PCGF2: variants seen among roughly 807,000 people sequenced by gnomAD.
The protein encoded by PCGF2 is polycomb group ring finger 2.
A neutral mutation model predicts 36.1 loss-of-function variants in PCGF2; 8 were observed. That is an observed-to-expected ratio of 0.22 (90% CI 0.13 to 0.40). The LOEUF is 0.40. Ranked by LOEUF, PCGF2 falls within the 10% of genes least tolerant of loss-of-function variation. The probability of loss-of-function intolerance (pLI) is 1.00; values close to 1 mark genes in which losing one functional copy is unlikely to be tolerated. For missense variants in PCGF2, 436 were observed against 475.9 expected, an observed-to-expected ratio of 0.92 and a Z score of 0.78; for synonymous variants, 198 against 191.2, an observed-to-expected ratio of 1.04 and a Z score of -0.29.
rs1288043390 is a variant in PCGF2 at position 38,733,974 on chromosome 17, C to CA, written c.*1248dup. ...AAAGGAGGGTACAGTCACAGGACCT[C>CA]AGACACAGGACAAGGTGCAAACACA... On this transcript the variant is annotated 3_prime_UTR_variant, in exon 11 of 11. Coordinates refer to ENST00000620225, the MANE Select transcript of PCGF2 (RefSeq NM_007144.3). 6.5e-6 allele frequency: 1 copy of CA among 153,838 alleles called. No homozygotes were observed. The highest frequency in any genetic ancestry group is 1.4e-5 in the Non-Finnish European group (1 of 69,294). The allele number at this position is 153,838 out of a possible 1,614,324, so 9.5% of individuals were successfully genotyped here.
chr17:38,744,270 C>G (rs965421331), intron 2 of PCGF2, among the ~76,000 whole-genome samples: 11 of 152,278 alleles, frequency 7.2e-5, no homozygotes, highest in Non-Finnish European at 1.6e-4. Context: ...ACCCCGACCC[C>G]TCTTTGCCAT....
chr17:38,735,290 G>C lies in PCGF2; in HGVS notation c.968C>G (p.Thr323Arg), dbSNP rs1906603550. The change falls in exon 11 of 11, where the codon ACA (threonine) becomes AGA (arginine). Residue 323 changes from threonine to arginine, a missense_variant. By Grantham distance (71) the Thr-to-Arg change is moderately conservative (BLOSUM62 -1). Coordinates refer to ENST00000620225, the MANE Select transcript of PCGF2 (RefSeq NM_007144.3). ...ANGGSLNCLQ[T>R]PSSTSRGRKM... ...GCGCCCCCTGCTGGTGGAGGATGGT[G>C]TCTGCAGGCAGTTCAAGCTACCCCC... 6.7e-7 allele frequency: 1 copy of C among 1,500,186 alleles called. No individual in the cohort carries two copies. The highest frequency in any genetic ancestry group is 9.0e-7 in the Non-Finnish European group (1 of 1,115,248). 92.9% of individuals were successfully genotyped at this position (1,500,186 alleles called of 1,614,324 possible).
chr17:38,749,699 C>T (rs1019694910), upstream of PCGF2: 2 of 455,830 alleles, frequency 4.4e-6, no homozygotes, highest in Admixed American at 2.4e-5. This position sits in a 1 kb window ranked among gnomAD's most constrained non-coding sequence, Gnocchi z 6.5. Flanking sequence ...CCTCGTTGCT[C>T]GCAGCCAAGG....
chr17:38,743,594 C>T (rs1907346771), intron 2 of PCGF2, among the ~76,000 whole-genome samples: 1 of 152,100 alleles, frequency 6.6e-6, no homozygotes, highest in African/African-American at 2.4e-5. Context: ...AGCCCCTTGC[C>T]ACACTCCCTG....
In PCGF2 at chr17:38,740,411, G is replaced by T; in HGVS notation, c.-9C>A. Reference sequence around the variant, plus strand: ...CGTGTAGTCCGATGCATGATTCCGGGGTCGGGGGTGGGGGGACTGGGGAGC... The same window carrying T: ...CGTGTAGTCCGATGCATGATTCCGGTGTCGGGGGTGGGGGGACTGGGGAGC... On this transcript the variant is annotated 5_prime_UTR_variant, in exon 3 of 11. Coordinates refer to ENST00000620225, the MANE Select transcript of PCGF2 (RefSeq NM_007144.3). 1.0e-6 allele frequency: 1 copy of T among 964,278 alleles called. No homozygotes were observed. The highest frequency in any genetic ancestry group is 1.6e-6 in the Non-Finnish European group (1 of 626,436). The allele number at this position is 964,278 out of a possible 1,614,324, so 59.7% of individuals were successfully genotyped here.
chr17:38,735,686 C>A (rs1036760577), intron 10 of PCGF2, 86 bp from the exon 11 acceptor site: 27 of 1,444,222 alleles, frequency 1.9e-5, no homozygotes, highest in Admixed American at 2.5e-5. Flanking sequence ...ATCTCCACCC[C>A]ACAGTGTCCA....
intron 10 of PCGF2, among the ~76,000 whole-genome samples, 198 bp downstream of exon 10, chr17:38,735,892 A>T (rs1447316719): frequency 6.6e-6 from 1 of 152,172 alleles, no homozygotes; most frequent in African/African-American, 2.4e-5. Context: ...CTGCCCAGGG[A>T]GCCTTGTCTC....
chr17:38,744,049 C>A (rs1457597316), intron 2 of PCGF2, among the ~76,000 whole-genome samples: 2 of 152,174 alleles, frequency 1.3e-5, no homozygotes, highest in African/African-American at 4.8e-5. Context: ...TCAGTCCCAA[C>A]TGTGTGTCCA....
At chr17:38,735,812 C>T (rs909485677) in intron 10 of PCGF2, among the ~76,000 whole-genome samples, 7 of 152,084 alleles carry the variant, frequency 4.6e-5, no homozygotes, top group Non-Finnish European at 8.8e-5. Flanking sequence ...AGAGAGGAGA[C>T]GGGAGAGAGG....
At chr17:38,736,069 C>T (rs1341623932) in intron 10 of PCGF2, 21 bp downstream of exon 10, 5 of 1,535,446 alleles carry the variant, frequency 3.3e-6, no homozygotes, top group South Asian at 1.2e-5. Flanking sequence ...TGCTCCCTGC[C>T]CGCCCCACTC....
intron 10 of PCGF2, 31 bp from the exon 11 acceptor site, chr17:38,735,631 G>A: frequency 1.3e-6 from 2 of 1,518,154 alleles, no homozygotes. Flanking sequence ...AGAGACACAG[G>A]GAAGGGGAAG....
At position 38,739,454 on chromosome 17, in the gene PCGF2, G is replaced by A; in HGVS notation, c.209+132C>T. ...AGCCAAATGTAACCCCAAGGTCGGGGAGTAGCCCAGGTCCACACCCCATGC... is the reference window on the plus strand; with the variant it reads ...AGCCAAATGTAACCCCAAGGTCGGGAAGTAGCCCAGGTCCACACCCCATGC... On this transcript the variant is annotated intron_variant, in intron 4 of 10. Transcript: ENST00000620225. The surrounding 1 kb of genome is among the most constrained non-coding windows in gnomAD (Gnocchi z 4.0). The A allele has an allele frequency of 1.1e-6, 1 of 899,024 alleles. No homozygotes were observed. The highest frequency in any genetic ancestry group is 1.4e-5 in the South Asian group (1 of 73,198). The allele number at this position is 899,024 out of a possible 1,614,324, so 55.7% of individuals were successfully genotyped here.
At chr17:38,745,793 GT>G (rs1907500224) in intron 2 of PCGF2, among the ~76,000 whole-genome samples, 1 of 152,174 alleles carries the variant, frequency 6.6e-6, no homozygotes, top group African/African-American at 2.4e-5. Context: ...CTGGGAGGGA[GT>G]CAGTCTGGCC....
At position 38,739,710 on chromosome 17, in the gene PCGF2, G is replaced by C; in HGVS notation, c.113-28C>G. ...TGGGGGTGTGGAGAGAGAGAGGAGA[G>C]TCAGAGCCAACTTCCAACTCCAGGA... On this transcript the variant is annotated intron_variant, in intron 3 of 10. Transcript: ENST00000620225. This position sits in a 1 kb window ranked among gnomAD's most constrained non-coding sequence, Gnocchi z 4.0. 3.8e-6 allele frequency: 6 copies of C among 1,560,772 alleles called. No homozygotes were observed. The highest frequency in any genetic ancestry group is 5.3e-6 in the Non-Finnish European group (6 of 1,131,498).
chr17:38,739,556 C>T lies in PCGF2; in HGVS notation c.209+30G>A, dbSNP rs375042444. 406 of 1,530,334 alleles carry T rather than the reference C, an allele frequency of 2.7e-4. 3 individuals carry two copies. The South Asian group carries it at 4.0e-3, about 15-fold the overall frequency. 94.8% of individuals were successfully genotyped at this position (1,530,334 alleles called of 1,614,324 possible). On this transcript the variant is annotated intron_variant, in intron 4 of 10. Transcript: ENST00000620225. The surrounding 1 kb of genome is among the most constrained non-coding windows in gnomAD (Gnocchi z 4.0). ...TGGGGGAGGCTGACCCAGAGGATCGCGGGGACAGGAGGTGCCGTGCCAAGC... is the reference window on the plus strand; with the variant it reads ...TGGGGGAGGCTGACCCAGAGGATCGTGGGGACAGGAGGTGCCGTGCCAAGC...
At position 38,739,895 on chromosome 17, in the gene PCGF2, G is replaced by T. The variant is rs1022815017; in HGVS notation, c.113-213C>A. The stretch of plus-strand genomic sequence containing the variant: ...CTTGTGTGAGACAGGCCAGTGTCAT[G>T]TACAATGCAGAAGGTCAGCCCTGAG... On this transcript the variant is annotated intron_variant, in intron 3 of 10. Transcript: ENST00000620225. This position sits in a 1 kb window ranked among gnomAD's most constrained non-coding sequence, Gnocchi z 4.0. Among the ~76,000 whole-genome samples the T allele has an allele frequency of 6.6e-6, 1 of 152,186 alleles. No homozygotes were observed. The highest frequency in any genetic ancestry group is 1.5e-5 in the Non-Finnish European group (1 of 68,030).
rs1349229217 is a variant in PCGF2, at chr17:38,734,446, G to A, written c.*777C>T. The A allele has an allele frequency of 6.6e-6, 1 of 151,526 alleles. No homozygotes were observed. The highest frequency in any genetic ancestry group is 1.5e-5 in the Non-Finnish European group (1 of 67,970). 9.4% of individuals were successfully genotyped at this position (151,526 alleles called of 1,614,324 possible). ...AGCGCTTCACAATGCTAAAGCCTTA[G>A]CCCTCCTCCAAGAGCTGAGACCTCT... is the stretch of plus-strand genomic sequence containing the variant. On this transcript the variant is annotated 3_prime_UTR_variant, in exon 11 of 11. Transcript: ENST00000620225.
At chr17:38,736,401 TG>T (rs1463279842) in intron 9 of PCGF2, among the ~76,000 whole-genome samples, 1 of 152,222 alleles carries the variant, frequency 6.6e-6, no homozygotes, top group Non-Finnish European at 1.5e-5. Flanking sequence ...TAGCAGCCTC[TG>T]GTCCCACCAT....
At chr17:38,743,015 T>C (rs1438182156) in intron 2 of PCGF2, among the ~76,000 whole-genome samples, 1 of 152,102 alleles carries the variant, frequency 6.6e-6, no homozygotes, top group Non-Finnish European at 1.5e-5. Context: ...CACATACACA[T>C]GTAGGCTCCG....
Sources: allele counts gnomAD v4.1 joint callset (sites outside exome capture counted in the v4.1 genomes callset), GRCh38; gene constraint gnomAD v4.1.1; non-coding constraint Gnocchi (gnomAD v3.1); transcripts MANE v1.5; gene names NCBI Gene and HGNC (gene_info 2026-07-23, HGNC 2026-07-21).